The following NBAS variants were observed in gnomAD, a reference collection of about 807,000 sequenced individuals.
NBAS encodes the protein NAG/BC035112 fusion.
In NBAS, 219 loss-of-function variants were observed where a neutral mutation model predicts 302.5. The observed-to-expected ratio is 0.72, with a 90% CI of 0.65 to 0.81. The LOEUF is 0.81. Ranked by LOEUF, NBAS falls within the 30% of genes least tolerant of loss-of-function variation. NBAS has a pLI of 0.00. For missense variants in NBAS, 2,932 were observed against 2,841.6 expected, an observed-to-expected ratio of 1.03 and a Z score of -0.72; for synonymous variants, 1,118 against 1,021.6, an observed-to-expected ratio of 1.09 and a Z score of -1.80.
chr2:15,225,385 C>T (rs964585228), intron 47 of NBAS, among the ~76,000 whole-genome samples: 22 of 152,112 alleles, frequency 1.4e-4, no homozygotes, highest in South Asian at 8.3e-4. Context: ...CTCAACCTCA[C>T]GAAACATAAG....
chr2:15,287,741 C>G (rs1670114008), intron 41 of NBAS, among the ~76,000 whole-genome samples: 9 of 151,744 alleles, frequency 5.9e-5, no homozygotes, highest in Admixed American at 5.2e-4. Context: ...AGGTAGGCAT[C>G]CCCGCATAAA....
At chr2:14,934,381 C>T in the NBAS span, among the ~76,000 whole-genome samples, 13 of 146,618 alleles carry the variant, frequency 8.9e-5, no homozygotes, top group African/African-American at 3.0e-4. Context: ...TTTCTCCTCC[C>T]TCCTCTTCCT....
chr2:15,536,480 T>G lies in NBAS; in HGVS notation c.585A>C (p.Ala195=), dbSNP rs200736344. The change falls in exon 8 of 52, where the codon GCA becomes GCC. Residue 195 remains alanine, a synonymous_variant. Coordinates refer to ENST00000281513, the MANE Select transcript of NBAS (RefSeq NM_015909.4). ...GLIFLEYKAS[A]QWSAELLVIN... is the part of the protein sequence containing the mutation. ...TGACCAGGAGTTCTGCAGACCACTG[T>G]GCACTTGCTTTATATTCTAAAAATA... 1 of 1,613,496 alleles carries G rather than the reference T, an allele frequency of 6.2e-7. No individual in the cohort carries two copies. Among genetic ancestry groups the G allele is most frequent in the Non-Finnish European group, 8.5e-7 (1 of 1,179,882 alleles).
chr2:15,229,730 C>T (rs932350852), intron 47 of NBAS, among the ~76,000 whole-genome samples: 7 of 150,476 alleles, frequency 4.7e-5, no homozygotes, highest in Admixed American at 4.6e-4. Flanking sequence ...TGCAGTGAGC[C>T]GAGACTGCGC....
rs201676289 is a variant in NBAS, at chr2:15,467,486, A to AAT, written c.2019-80_2019-79insAT. The AAT allele has an allele frequency of 5.8e-3, 8,132 of 1,395,696 alleles. 152 individuals are homozygous for AAT. Among genetic ancestry groups the AAT allele is most frequent in the East Asian group, 0.049 (2,127 of 43,550 alleles). The allele number at this position is 1,395,696 out of a possible 1,614,324, so 86.5% of individuals were successfully genotyped here. The stretch of plus-strand genomic sequence containing the variant: ...AGGAGTTATAATGAAAATGATTAAT[A>AAT]TTCCGTTGAGCCCAAAACTCATGAA... On this transcript the variant is annotated intron_variant, in intron 18 of 51. Transcript: ENST00000281513.
chr2:15,413,913 G>T (rs1194882046), intron 25 of NBAS, among the ~76,000 whole-genome samples: 2 of 152,126 alleles, frequency 1.3e-5, no homozygotes, highest in Non-Finnish European at 2.9e-5. Flanking sequence ...TGTTCAAAAG[G>T]CACACGCTAA....
chr2:15,285,191 TAATA>T (rs749552563), intron 42 of NBAS, among the ~76,000 whole-genome samples: 32 of 152,234 alleles, frequency 2.1e-4, no homozygotes, highest in Non-Finnish European at 3.2e-4. Flanking sequence ...TGTAGCAATT[TAATA>T]AATACTTAAA....
At chr2:15,491,474 C>T (rs991029792) in intron 11 of NBAS, among the ~76,000 whole-genome samples, 2 of 152,160 alleles carry the variant, frequency 1.3e-5, no homozygotes, top group African/African-American at 2.4e-5. Context: ...CAGTGGCTCA[C>T]GCCTGTAATC....
At chr2:14,896,102 A>C in the NBAS span, among the ~76,000 whole-genome samples, 1 of 152,038 alleles carries the variant, frequency 6.6e-6, no homozygotes. Context: ...CAACAAAATT[A>C]ATCCGGGAGA....
chr2:15,188,302 T>G (rs1665182088), intron 49 of NBAS, among the ~76,000 whole-genome samples: 1 of 152,252 alleles, frequency 6.6e-6, no homozygotes, highest in South Asian at 2.1e-4. Context: ...TCTTAAGTTG[T>G]AACCTTTTTG....
At chr2:14,859,633 T>C in the NBAS span, among the ~76,000 whole-genome samples, 1 of 152,132 alleles carries the variant, frequency 6.6e-6, no homozygotes, top group Admixed American at 6.6e-5. Context: ...GATATTCATA[T>C]GCAAAAGAAT....
chr2:14,904,873 C>T, the NBAS span, among the ~76,000 whole-genome samples: 17 of 150,502 alleles, frequency 1.1e-4, no homozygotes, highest in South Asian at 4.2e-4. Context: ...CACGGTGAAA[C>T]GCTGTCTCTA....
chr2:14,847,944 A>G, the NBAS span, among the ~76,000 whole-genome samples: 2 of 152,234 alleles, frequency 1.3e-5, no homozygotes, highest in Non-Finnish European at 2.9e-5. Context: ...TCTGACCACA[A>G]TGGAATACAA....
intron 9 of NBAS, among the ~76,000 whole-genome samples, chr2:15,531,801 C>T (rs563287102): frequency 1.3e-5 from 2 of 152,224 alleles, no homozygotes; most frequent in African/African-American, 4.8e-5. Context: ...CTAGTAATAC[C>T]CTCACCTATT....
At chr2:14,807,207 G>C in the NBAS span, among the ~76,000 whole-genome samples, 1 of 152,018 alleles carries the variant, frequency 6.6e-6, no homozygotes, top group Non-Finnish European at 1.5e-5. Flanking sequence ...TCTCAATCAT[G>C]ACAGGTTTTC....
At chr2:15,005,198 T>C in the NBAS span, among the ~76,000 whole-genome samples, 1 of 152,188 alleles carries the variant, frequency 6.6e-6, no homozygotes, top group African/African-American at 2.4e-5. Context: ...TATTGTTCTC[T>C]ATAGGCATGA....
the NBAS span, among the ~76,000 whole-genome samples, chr2:14,882,758 A>C: frequency 6.6e-6 from 1 of 152,188 alleles, no homozygotes; most frequent in African/African-American, 2.4e-5. Context: ...GATGGGAAAG[A>C]GTTGTGCCTC....
chr2:14,982,066 C>A, the NBAS span, among the ~76,000 whole-genome samples: 1 of 152,290 alleles, frequency 6.6e-6, no homozygotes, highest in East Asian at 1.9e-4. Context: ...TGCAGATTTC[C>A]TCAGGGCATT....
the NBAS span, among the ~76,000 whole-genome samples, chr2:14,811,694 C>A: frequency 3.3e-5 from 5 of 152,076 alleles, no homozygotes; most frequent in South Asian, 6.3e-4. Context: ...GGGGCAAAGA[C>A]TAGATGAGGG....
Sources: allele counts gnomAD v4.1 joint callset (sites outside exome capture counted in the v4.1 genomes callset), GRCh38; gene constraint gnomAD v4.1.1; transcripts MANE v1.5; gene names NCBI Gene and HGNC (gene_info 2026-07-23, HGNC 2026-07-21).